The following LUZP1 variants were observed in gnomAD, a reference collection of about 807,000 sequenced individuals.
LUZP1 encodes the protein filamin mechanobinding actin cross-linking protein.
LUZP1 carries 25 observed loss-of-function variants against 71.3 expected under a neutral mutation model. The observed-to-expected ratio is 0.35, with a 90% CI of 0.26 to 0.49. LUZP1 has a LOEUF of 0.49. Ranked by LOEUF, LUZP1 falls within the 20% of genes least tolerant of loss-of-function variation. The probability of loss-of-function intolerance (pLI) is 0.99; values close to 1 mark genes in which losing one functional copy is unlikely to be tolerated. For synonymous variants in LUZP1, 481 were observed against 506.4 expected (o/e 0.95, Z 0.67); for missense variants, 1,142 against 1,300.8 (o/e 0.88, Z 1.88).
chr1:23,088,721 G>C, exon 5 of LUZP1: 1 of 777,668 alleles, frequency 1.3e-6, no homozygotes, highest in Non-Finnish European at 2.0e-6. Context: ...TGTAGTCTCT[G>C]ATTCCCTCTG....
chr1:23,092,825 C>A, exon 4 of LUZP1: 2 of 1,613,756 alleles, frequency 1.2e-6, no homozygotes, highest in Non-Finnish European at 1.7e-6. Flanking sequence ...CCTGAGCAGC[C>A]GGGGGGTAGC....
At chr1:23,173,343 G>GT (rs1557704121) in intron 1 of LUZP1, among the ~76,000 whole-genome samples, 9 of 102,726 alleles carry the variant, frequency 8.8e-5, no homozygotes, top group African/African-American at 1.4e-4. Context: ...TTTTGTTTTT[G>GT]TTTTTTCTTT....
At chr1:23,085,425 G>A (rs1324186478) in exon 5 of LUZP1, 2 of 152,560 alleles carry the variant, frequency 1.3e-5, no homozygotes, top group Non-Finnish European at 1.5e-5. Flanking sequence ...AGGCTTTGAG[G>A]AGAACCCTGC....
In LUZP1 at chr1:23,175,055, A is replaced by C. The variant is rs6694436; in HGVS notation, c.-485+2436T>G. 9.5e-3 allele frequency among the ~76,000 whole-genome samples: 1,450 copies of C among 152,216 alleles called. 22 individuals are homozygous for C. The highest frequency in any genetic ancestry group is 0.034 in the African/African-American group (1,391 of 41,518). ...AAAGGTTATAGGGGTCATTATTGCT[A>C]GTATATTGCATATACTATCTCTTAA... On this transcript the variant is annotated intron_variant, in intron 1 of 4. Transcript: ENST00000302291.
At chr1:23,145,317 G>A (rs1485838574) in intron 2 of LUZP1, among the ~76,000 whole-genome samples, 2 of 152,136 alleles carry the variant, frequency 1.3e-5, no homozygotes, top group Non-Finnish European at 2.9e-5. Flanking sequence ...AACGCTATTT[G>A]AAGGAAATGT....
intron 2 of LUZP1, among the ~76,000 whole-genome samples, chr1:23,159,306 A>G (rs1346866599): frequency 6.6e-6 from 1 of 151,954 alleles, no homozygotes; most frequent in African/African-American, 2.4e-5. Context: ...ACACCACTGC[A>G]CTCCAGCCTG....
At chr1:23,110,047 A>G (rs1302863765) in intron 2 of LUZP1, among the ~76,000 whole-genome samples, 4 of 152,210 alleles carry the variant, frequency 2.6e-5, no homozygotes, top group African/African-American at 9.7e-5. Flanking sequence ...TCTACTTTAC[A>G]GATAAAGAAT....
intron 2 of LUZP1, chr1:23,133,556 A>C (rs1268686193): frequency 2.0e-5 from 3 of 152,176 alleles, no homozygotes; most frequent in Non-Finnish European, 4.4e-5. Context: ...TGAAGTCAGG[A>C]GTTTGAGAAC....
chr1:23,124,196 T>A (rs2124672868), intron 2 of LUZP1, among the ~76,000 whole-genome samples: 1 of 152,312 alleles, frequency 6.6e-6, no homozygotes, highest in African/African-American at 2.4e-5. Flanking sequence ...CCTTCCAAGA[T>A]TCGTGAAATC....
chr1:23,147,344 G>A (rs1034574471), intron 2 of LUZP1, among the ~76,000 whole-genome samples: 1 of 150,932 alleles, frequency 6.6e-6, no homozygotes, highest in African/African-American at 2.4e-5. Context: ...GGGAGGCTGA[G>A]GTAGGAGAAT....
At chr1:23,115,023 T>C (rs918019129) in intron 2 of LUZP1, among the ~76,000 whole-genome samples, 7 of 152,252 alleles carry the variant, frequency 4.6e-5, no homozygotes, top group Non-Finnish European at 1.0e-4. Context: ...AGTAGAGGCA[T>C]ACCATTTGAT....
At chr1:23,102,509 T>C (rs1209338434) in intron 3 of LUZP1, among the ~76,000 whole-genome samples, 1 of 152,226 alleles carries the variant, frequency 6.6e-6, no homozygotes, top group African/African-American at 2.4e-5. Context: ...CACATAAGTA[T>C]GCAAACTTAG....
intron 2 of LUZP1, chr1:23,141,086 C>G (rs1388401351): frequency 6.6e-6 from 1 of 152,344 alleles, no homozygotes; most frequent in Non-Finnish European, 1.5e-5. Context: ...GGGAGACGAA[C>G]AGTCCCTACC....
At chr1:23,123,128 C>G (rs1475243927) in intron 2 of LUZP1, among the ~76,000 whole-genome samples, 2 of 152,180 alleles carry the variant, frequency 1.3e-5, no homozygotes, top group Non-Finnish European at 2.9e-5. Context: ...TATACTTTAT[C>G]ACTTTAGAAC....
chr1:23,133,417 T>C (rs1222104448), intron 2 of LUZP1: 1 of 152,142 alleles, frequency 6.6e-6, no homozygotes, highest in Non-Finnish European at 1.5e-5. Context: ...CGTACAGATT[T>C]CTCACAAAGG....
At chr1:23,150,102 C>T (rs1379203050) in intron 2 of LUZP1, among the ~76,000 whole-genome samples, 2 of 151,460 alleles carry the variant, frequency 1.3e-5, no homozygotes, top group African/African-American at 4.9e-5. Flanking sequence ...AAGAAAGACT[C>T]AATAGCGAAG....
intron 3 of LUZP1, among the ~76,000 whole-genome samples, chr1:23,097,899 G>A (rs1413466503): frequency 3.3e-5 from 5 of 152,176 alleles, no homozygotes; most frequent in Admixed American, 6.5e-5. Context: ...ACTCTAAGGT[G>A]GCTGGGCTGA....
At chr1:23,109,338 TAGG>T (rs1370921775) in intron 2 of LUZP1, among the ~76,000 whole-genome samples, 1 of 152,216 alleles carries the variant, frequency 6.6e-6, no homozygotes, top group Non-Finnish European at 1.5e-5. Flanking sequence ...AATTTGGCTG[TAGG>T]AGACTTCCCC....
chr1:23,091,875 A>G, exon 4 of LUZP1: 3 of 1,614,106 alleles, frequency 1.9e-6, no homozygotes, highest in Non-Finnish European at 2.5e-6. Flanking sequence ...ATATATAGTA[A>G]TGCTACTTGT....
Sources: allele counts gnomAD v4.1 joint callset (sites outside exome capture counted in the v4.1 genomes callset), GRCh38; gene constraint gnomAD v4.1.1; transcripts MANE v1.5; gene names NCBI Gene and HGNC (gene_info 2026-07-23, HGNC 2026-07-21).